Variants in DOCK5 observed in about 807,000 individuals in gnomAD.
DOCK5 encodes dedicator of cytokinesis protein 5.
A neutral mutation model predicts 251.8 loss-of-function variants in DOCK5; 142 were observed. The ratio of observed to expected loss-of-function variants is 0.56; its 90% CI spans 0.49 to 0.65. DOCK5 has a LOEUF of 0.65. DOCK5 is among the 30% of genes least tolerant of loss of function. The probability of loss-of-function intolerance (pLI) is 0.00; values close to 1 mark genes in which losing one functional copy is unlikely to be tolerated. For synonymous variants in DOCK5, 842 were observed against 835.5 expected (o/e 1.01, Z -0.13); for missense variants, 2,111 against 2,312.3 (o/e 0.91, Z 1.79).
intron 5 of DOCK5, among the ~76,000 whole-genome samples, chr8:25,288,659 C>G (rs78470455): frequency 0.018 from 2,730 of 152,258 alleles, 77 homozygotes; most frequent in African/African-American, 0.058. Context: ...TAAAAGTGGA[C>G]AAATGCGTTG....
At chr8:25,384,545 C>A (rs899034897) in intron 40 of DOCK5, among the ~76,000 whole-genome samples, 1 of 150,640 alleles carries the variant, frequency 6.6e-6, no homozygotes, top group Non-Finnish European at 1.5e-5. Context: ...CTGCAACCTC[C>A]GTCTTCTGGG....
intron 5 of DOCK5, among the ~76,000 whole-genome samples, chr8:25,287,227 G>A (rs182107415): frequency 7.9e-4 from 121 of 152,294 alleles, no homozygotes; most frequent in Non-Finnish European, 1.4e-3. Context: ...AGAAGTTCGA[G>A]GCCAGCCTGG....
intron 6 of DOCK5, 76 bp from the exon 7 acceptor site, chr8:25,296,437 G>T: frequency 6.5e-7 from 1 of 1,532,108 alleles, no homozygotes; most frequent in South Asian, 1.2e-5. Context: ...GATCCTCTGG[G>T]CTCCTTGACA....
At chr8:25,296,923 C>A (rs1452986978) in intron 7 of DOCK5, among the ~76,000 whole-genome samples, 1 of 151,912 alleles carries the variant, frequency 6.6e-6, no homozygotes, top group Non-Finnish European at 1.5e-5. Flanking sequence ...GTATATAAAT[C>A]TATGCTTGCA....
At chr8:25,249,952 A>G (rs1369491278) in intron 2 of DOCK5, among the ~76,000 whole-genome samples, 1 of 152,210 alleles carries the variant, frequency 6.6e-6, no homozygotes, top group African/African-American at 2.4e-5. Context: ...TAGGTACATT[A>G]TATTTTATTC....
chr8:25,394,325 T>C (rs1426183212), intron 44 of DOCK5, among the ~76,000 whole-genome samples: 3 of 152,098 alleles, frequency 2.0e-5, no homozygotes, highest in Admixed American at 2.0e-4. Context: ...TGTTGACTGA[T>C]AATGGGTAAA....
At chr8:25,234,159 A>G (rs1283376043) in intron 1 of DOCK5, among the ~76,000 whole-genome samples, 1 of 152,166 alleles carries the variant, frequency 6.6e-6, no homozygotes, top group Non-Finnish European at 1.5e-5. Context: ...TTCTCAGTGA[A>G]ATGTGTTTGT....
intron 1 of DOCK5, among the ~76,000 whole-genome samples, chr8:25,214,339 A>G (rs2117484059): frequency 6.6e-6 from 1 of 152,182 alleles, no homozygotes; most frequent in East Asian, 1.9e-4. Context: ...GGTATCCAGG[A>G]GGGCACAGAG....
intron 40 of DOCK5, among the ~76,000 whole-genome samples, chr8:25,384,463 A>ATTTTTT (rs201096966): frequency 1.5e-5 from 2 of 135,704 alleles, no homozygotes; most frequent in South Asian, 2.3e-4. Flanking sequence ...TTATTTATTT[A>ATTTTTT]TTTTTTTTTT....
intron 1 of DOCK5, among the ~76,000 whole-genome samples, chr8:25,219,734 A>G (rs1328959186): frequency 2.7e-5 from 4 of 149,440 alleles, no homozygotes; most frequent in Non-Finnish European, 5.9e-5. Flanking sequence ...GTTCACAACC[A>G]CTTTTGACTT....
chr8:25,243,608 C>G lies in DOCK5; in HGVS notation c.44-66C>G, dbSNP rs868620404. On this transcript the variant is annotated intron_variant, in intron 1 of 51. Transcript: ENST00000276440. ...CCTCTCAAAGTGCTGAGATTATAGG[C>G]GTGAGCCACCGTGCCCAGCCAAGTG... 2.2e-5 allele frequency: 32 copies of G among 1,467,800 alleles called. No homozygotes were observed. In the African/African-American group the frequency reaches 2.5e-4, roughly 11 times the overall value. 90.9% of individuals were successfully genotyped at this position (1,467,800 alleles called of 1,614,324 possible).
chr8:25,193,048 T>G (rs2117444197), intron 1 of DOCK5, among the ~76,000 whole-genome samples: 1 of 152,298 alleles, frequency 6.6e-6, no homozygotes, highest in African/African-American at 2.4e-5. Flanking sequence ...AGGAGGAAGC[T>G]GATACCCAAT....
intron 13 of DOCK5, among the ~76,000 whole-genome samples, chr8:25,311,773 T>G (rs1184838494): frequency 6.6e-6 from 1 of 151,056 alleles, no homozygotes; most frequent in Non-Finnish European, 1.5e-5. Context: ...AATACAAAAA[T>G]TAGCTGGGCG....
chr8:25,214,822 T>C (rs1267597895), intron 1 of DOCK5, among the ~76,000 whole-genome samples: 1 of 152,156 alleles, frequency 6.6e-6, no homozygotes, highest in African/African-American at 2.4e-5. Flanking sequence ...GCCCCATCTG[T>C]CCCTGGCTGC....
intron 22 of DOCK5, among the ~76,000 whole-genome samples, chr8:25,340,488 A>G (rs1031228003): frequency 6.6e-6 from 1 of 152,202 alleles, no homozygotes; most frequent in African/African-American, 2.4e-5. Context: ...CTTGATTTCT[A>G]CTTATGAGAA....
chr8:25,266,631 T>G (rs1172038653), intron 2 of DOCK5, among the ~76,000 whole-genome samples: 1 of 151,908 alleles, frequency 6.6e-6, no homozygotes, highest in African/African-American at 2.4e-5. Context: ...GCAAACATAT[T>G]TGTGAACTAT....
At position 25,205,085 on chromosome 8, in the gene DOCK5, A is replaced by G. The variant is rs538426172; in HGVS notation, c.43+20134A>G. On this transcript the variant is annotated intron_variant, in intron 1 of 51. Coordinates refer to ENST00000276440, the MANE Select transcript of DOCK5 (RefSeq NM_024940.8). ...TATTAAAAAGTTAATTAAAGTACAG[A>G]CAGGGTCTCATTATGTTGGCCAGGT... is the stretch of plus-strand genomic sequence containing the variant. Among the ~76,000 whole-genome samples the G allele has an allele frequency of 2.6e-5, 4 of 152,234 alleles. No individual in the cohort carries two copies. In the East Asian group the frequency reaches 5.8e-4, roughly 22 times the overall value.
intron 21 of DOCK5, among the ~76,000 whole-genome samples, chr8:25,335,594 C>G (rs1411104620): frequency 6.6e-6 from 1 of 151,686 alleles, no homozygotes; most frequent in Non-Finnish European, 1.5e-5. Context: ...TCAAGGATCC[C>G]CAGAAGGAAA....
At chr8:25,197,793 C>T (rs1211194829) in intron 1 of DOCK5, among the ~76,000 whole-genome samples, 1 of 140,296 alleles carries the variant, frequency 7.1e-6, no homozygotes. Context: ...CTCTGTCACC[C>T]AGGCTGGAGT....
Sources: gnomAD v4.1 joint callset for allele counts (sites outside exome capture counted in the v4.1 genomes callset) on GRCh38, gnomAD v4.1.1 for gene constraint, MANE v1.5 for transcripts, NCBI Gene and HGNC (gene_info 2026-07-23, HGNC 2026-07-21) for gene names.